The following EIF3F variants were observed in gnomAD, a reference collection of about 807,000 sequenced individuals.
The protein encoded by EIF3F is deubiquitinating enzyme eIF3f.
In EIF3F, 8 loss-of-function variants were observed where a neutral mutation model predicts 36.0. The observed-to-expected ratio is 0.22, with a 90% CI of 0.13 to 0.40. The LOEUF (loss-of-function observed/expected upper bound fraction) is 0.40. Ranked by LOEUF, EIF3F falls within the 10% of genes least tolerant of loss-of-function variation. The probability of loss-of-function intolerance (pLI) is 1.00; values close to 1 mark genes in which losing one functional copy is unlikely to be tolerated. For missense variants in EIF3F, 430 were observed against 467.6 expected (o/e 0.92, Z 0.74); for synonymous variants, 184 against 188.5 (o/e 0.98, Z 0.19).
intron 1 of EIF3F, among the ~76,000 whole-genome samples, chr11:7,988,844 A>T (rs542787030): frequency 6.6e-6 from 1 of 152,230 alleles, no homozygotes; most frequent in Non-Finnish European, 1.5e-5. Context: ...ACTTCTGACT[A>T]TGCTGGCACA....
Position 7,991,965 on chromosome 11 carries a change from C to T in EIF3F, c.435+114C>T. On this transcript the variant is annotated intron_variant, in intron 2 of 7. Coordinates refer to ENST00000651655, the MANE Select transcript of EIF3F (RefSeq NM_003754.3). ...AGCTCCTGTAGCCAAGGAGCTTCTTCCCATTTGTACGTACTTCCTGGGCCT... is the reference window on the plus strand; with the variant it reads ...AGCTCCTGTAGCCAAGGAGCTTCTTTCCATTTGTACGTACTTCCTGGGCCT... 6 of 1,495,696 alleles carry T rather than the reference C, an allele frequency of 4.0e-6. No homozygotes were observed. The South Asian group carries it at 5.7e-5, about 14-fold the overall frequency. 92.7% of individuals were successfully genotyped at this position (1,495,696 alleles called of 1,614,324 possible).
At chr11:7,991,739 C>G in intron 1 of EIF3F, 42 bp from the exon 2 acceptor site, 5 of 1,598,538 alleles carry the variant, frequency 3.1e-6, no homozygotes, top group Non-Finnish European at 4.3e-6. Context: ...TTGTTGGGAG[C>G]CCTAGGATTA....
rs1304665435 is a variant in EIF3F at position 7,997,296 on chromosome 11, G to A, written c.*1274G>A. On this transcript the variant is annotated 3_prime_UTR_variant, in exon 8 of 8. Transcript: ENST00000651655. ...GGTTAATCAGAGTCAAAATGTTTCA[G>A]TGTTCTTACATTTTTGGGAGTAGCC... is the stretch of plus-strand genomic sequence containing the variant. 1 of 152,192 alleles carries A rather than the reference G, an allele frequency of 6.6e-6. No individual in the cohort carries two copies. The highest frequency in any genetic ancestry group is 1.5e-5 in the Non-Finnish European group (1 of 68,034). The allele number at this position is 152,192 out of a possible 1,614,324, so 9.4% of individuals were successfully genotyped here. A position where few individuals can be genotyped will look rare whatever the true frequency, so the allele number is the denominator to read the frequency against.
Position 7,995,137 on chromosome 11 carries a change from A to T in EIF3F, c.882+19A>T. ...TGTACTGGTGAGAGGGGAAAGAAAA[A>T]ACAAAGGGGGAGGACATAGTTCTCT... On this transcript the variant is annotated intron_variant, in intron 6 of 7. Transcript: ENST00000651655. 1.9e-6 allele frequency: 3 copies of T among 1,612,738 alleles called. No homozygotes were observed. Among genetic ancestry groups the T allele is most frequent in the Non-Finnish European group, 2.5e-6 (3 of 1,179,060 alleles).
At chr11:7,995,223 T>G (rs1260296619) in intron 6 of EIF3F, 31 bp from the exon 7 acceptor site, 22 of 1,608,918 alleles carry the variant, frequency 1.4e-5, no homozygotes, top group Non-Finnish European at 1.9e-5. Context: ...TATAATTAAC[T>G]GCCTCATCGA....
At chr11:7,990,355 G>C (rs1200184493) in intron 1 of EIF3F, among the ~76,000 whole-genome samples, 2 of 152,194 alleles carry the variant, frequency 1.3e-5, no homozygotes, top group Non-Finnish European at 2.9e-5. Flanking sequence ...TTTAGGCTTT[G>C]TGTGCAGTCT....
At chr11:7,991,323 A>G (rs1476509557) in intron 1 of EIF3F, among the ~76,000 whole-genome samples, 1 of 152,238 alleles carries the variant, frequency 6.6e-6, no homozygotes, top group Admixed American at 6.5e-5. Context: ...AAGACTGACC[A>G]TGGGACCAGA....
rs1012198130 is a variant in EIF3F at position 7,997,828 on chromosome 11, T to A, written c.*1806T>A. On this transcript the variant is annotated 3_prime_UTR_variant, in exon 8 of 8. Coordinates refer to ENST00000651655, the MANE Select transcript of EIF3F (RefSeq NM_003754.3). ...TCAACCAACTACAGGTTGAAAATAT[T>A]GAGGGGGAAAATTGTGTCTGGACTA... The A allele has an allele frequency of 1.2e-4, 18 of 152,174 alleles. No homozygotes were observed. Among genetic ancestry groups the A allele is most frequent in the African/African-American group, 3.9e-4 (16 of 41,430 alleles). 9.4% of individuals were successfully genotyped at this position (152,174 alleles called of 1,614,324 possible).
intron 4 of EIF3F, among the ~76,000 whole-genome samples, chr11:7,993,922 T>C (rs1942130441): frequency 6.6e-6 from 1 of 152,114 alleles, no homozygotes; most frequent in Non-Finnish European, 1.5e-5. Flanking sequence ...GAAAGATATA[T>C]ATAGTTGACA....
At chr11:7,994,775 AC>A in intron 5 of EIF3F, 1 of 753,548 alleles carries the variant, frequency 1.3e-6, no homozygotes, top group Non-Finnish European at 2.1e-6. Flanking sequence ...TGATGAGCAT[AC>A]CAGGTAAAAG....
intron 1 of EIF3F, among the ~76,000 whole-genome samples, chr11:7,989,318 A>G (rs553679602): frequency 1.2e-3 from 189 of 152,336 alleles, no homozygotes; most frequent in African/African-American, 4.3e-3. Flanking sequence ...TTCATTACCC[A>G]TGATTTATGC....
intron 4 of EIF3F, 96 bp from the exon 5 acceptor site, chr11:7,994,330 G>C: frequency 9.6e-7 from 1 of 1,041,056 alleles, no homozygotes; most frequent in Non-Finnish European, 1.4e-6. Flanking sequence ...AGAACCTTGA[G>C]AGCCATATTC....
At chr11:7,992,643 T>A in intron 3 of EIF3F, 1 of 539,528 alleles carries the variant, frequency 1.9e-6, no homozygotes, top group Non-Finnish European at 3.3e-6. Flanking sequence ...CTGGTGGTTC[T>A]GATCCTGTGG....
Position 7,992,901 on chromosome 11 carries a change from A to T in EIF3F, c.530A>T (p.His177Leu), listed in dbSNP as rs760042710. 1.9e-6 allele frequency: 3 copies of T among 1,614,192 alleles called. No individual in the cohort carries two copies. The highest frequency in any genetic ancestry group is 2.5e-6 in the Non-Finnish European group (3 of 1,180,036). Residue 177 changes from histidine (H) to leucine (L), a missense_variant, in exon 4 of 8, where the codon CAT (histidine) becomes CTT (leucine). This residue lies in a region of EIF3F where 262 missense variants were observed against 347.4 expected (regional missense o/e 0.75). Coordinates refer to ENST00000651655, the MANE Select transcript of EIF3F (RefSeq NM_003754.3). ...CCATTTCACAGGTACGCTACGGGCCATGACATCACAGAGCACTCTGTGCTG... is the reference window on the plus strand; with the variant it reads ...CCATTTCACAGGTACGCTACGGGCCTTGACATCACAGAGCACTCTGTGCTG... ...ELILGWYATG[H>L]DITEHSVLIH...
rs1942196217 is a variant in EIF3F, at chr11:7,999,537, T to C, written c.*3515T>C. On this transcript the variant is annotated 3_prime_UTR_variant, in exon 8 of 8. Transcript: ENST00000651655. Reference sequence around the variant, plus strand: ...ATGTATATGGAAAAATAAAAATGTCTCCAAAAAATCCCTGCAGAGGGAAAC... The same window carrying C: ...ATGTATATGGAAAAATAAAAATGTCCCCAAAAAATCCCTGCAGAGGGAAAC... 2 of 152,074 alleles carry C rather than the reference T, an allele frequency of 1.3e-5. No homozygotes were observed. The highest frequency in any genetic ancestry group is 4.1e-4 in the South Asian group (2 of 4,828). 9.4% of individuals were successfully genotyped at this position (152,074 alleles called of 1,614,324 possible). A position where few individuals can be genotyped will look rare whatever the true frequency, so the allele number is the denominator to read the frequency against.
At chr11:7,989,138 C>T (rs1942062004) in intron 1 of EIF3F, among the ~76,000 whole-genome samples, 1 of 152,220 alleles carries the variant, frequency 6.6e-6, no homozygotes, top group Non-Finnish European at 1.5e-5. Context: ...CCCGGACCCT[C>T]ACTCCATTCT....
At chr11:7,993,109 A>G in intron 4 of EIF3F, 85 bp downstream of exon 4, 2 of 1,441,746 alleles carry the variant, frequency 1.4e-6, no homozygotes, top group Non-Finnish European at 1.9e-6. Context: ...AATTCCTTCC[A>G]TGTGTAACTT....
In EIF3F at chr11:8,001,345, G is replaced by T. The variant is rs1132660; in HGVS notation, c.*5323G>T. ...GTTTGTCAAAATTACAAATATGCAT[G>T]CCCTTAACCCAGGAATTCCACTCCT... On this transcript the variant is annotated 3_prime_UTR_variant, in exon 8 of 8. Coordinates refer to ENST00000651655, the MANE Select transcript of EIF3F (RefSeq NM_003754.3). 6.6e-6 allele frequency: 1 copy of T among 151,942 alleles called. No homozygotes were observed. Among genetic ancestry groups the T allele is most frequent in the South Asian group, 2.1e-4 (1 of 4,820 alleles). 9.4% of individuals were successfully genotyped at this position (151,942 alleles called of 1,614,324 possible).
intron 1 of EIF3F, 146 bp from the exon 2 acceptor site, chr11:7,991,635 C>T (rs1942096670): frequency 5.2e-6 from 4 of 774,076 alleles, no homozygotes; most frequent in African/African-American, 1.7e-5. Flanking sequence ...CTGGTCCCAT[C>T]GATGCACCGG....
Sources: gnomAD v4.1 joint callset for allele counts (sites outside exome capture counted in the v4.1 genomes callset) on GRCh38, gnomAD v4.1.1 for gene constraint, gnomAD v4.1.1 regional missense constraint, MANE v1.5 for transcripts, NCBI Gene and HGNC (gene_info 2026-07-23, HGNC 2026-07-21) for gene names.